CECR2: variants seen among roughly 807,000 people sequenced by gnomAD.
CECR2 encodes the protein CECR2 histone acetyl-lysine reader, also known as chromatin remodeling regulator CECR2.
A neutral mutation model predicts 154.5 loss-of-function variants in CECR2; 30 were observed. The observed-to-expected ratio is 0.19, with a 90% CI of 0.15 to 0.26. The LOEUF (loss-of-function observed/expected upper bound fraction) is 0.26. Among genes scored for constraint, CECR2 ranks in the 10% least tolerant of loss-of-function variants. The pLI is 1.00. For missense variants in CECR2, 1,743 were observed against 1,829.3 expected (o/e 0.95, Z 0.86); for synonymous variants, 725 against 683.7 (o/e 1.06, Z -0.94).
intron 16 of CECR2, among the ~76,000 whole-genome samples, chr22:17,545,091 T>G (rs149288714): frequency 6.6e-6 from 1 of 152,076 alleles, no homozygotes; most frequent in Admixed American, 6.6e-5. Flanking sequence ...AAATACCATT[T>G]AGGCCAGGCG....
intron 1 of CECR2, among the ~76,000 whole-genome samples, chr22:17,453,524 G>A (rs983058555): frequency 1.3e-5 from 2 of 152,158 alleles, no homozygotes; most frequent in African/African-American, 4.8e-5. Flanking sequence ...TTACCTTAGG[G>A]TTTATACCAT....
intron 1 of CECR2, among the ~76,000 whole-genome samples, chr22:17,457,383 T>C (rs887488165): frequency 5.3e-5 from 8 of 152,228 alleles, no homozygotes; most frequent in African/African-American, 1.9e-4. Flanking sequence ...TAATAGGGTC[T>C]TGGAATCTAG....
intron 1 of CECR2, among the ~76,000 whole-genome samples, chr22:17,408,757 A>C (rs550521344): frequency 6.6e-6 from 1 of 152,280 alleles, no homozygotes; most frequent in African/African-American, 2.4e-5. Flanking sequence ...TTTAGCACCT[A>C]CCTTGTATTA....
intron 8 of CECR2, among the ~76,000 whole-genome samples, chr22:17,515,638 A>C (rs1283800138): frequency 6.6e-6 from 1 of 152,088 alleles, no homozygotes; most frequent in East Asian, 1.9e-4. Context: ...ATTTTTAAGC[A>C]TACAATAAAA....
intron 1 of CECR2, among the ~76,000 whole-genome samples, chr22:17,390,506 A>G (rs921867290): frequency 6.6e-6 from 1 of 152,258 alleles, no homozygotes; most frequent in African/African-American, 2.4e-5. Context: ...TTCTTCTCCA[A>G]ATTAACCCGT....
intron 9 of CECR2, among the ~76,000 whole-genome samples, chr22:17,530,690 A>G (rs2056341146): frequency 1.3e-5 from 2 of 151,650 alleles, no homozygotes; most frequent in South Asian, 4.1e-4. Flanking sequence ...CAAAAAAGAA[A>G]AAAAAAAACA....
At chr22:17,414,115 G>GGCGT (rs2054112947) in intron 1 of CECR2, among the ~76,000 whole-genome samples, 1 of 151,452 alleles carries the variant, frequency 6.6e-6, no homozygotes, top group Non-Finnish European at 1.5e-5. Context: ...TGGGACTACA[G>GGCGT]GTGCCTGCCA....
At chr22:17,390,326 C>G (rs2063313174) in intron 1 of CECR2, among the ~76,000 whole-genome samples, 1 of 152,214 alleles carries the variant, frequency 6.6e-6, no homozygotes. Context: ...GGGCCGTGCC[C>G]TTGGTGCATA....
chr22:17,492,215 C>T (rs576639873), intron 2 of CECR2, among the ~76,000 whole-genome samples: 1 of 152,168 alleles, frequency 6.6e-6, no homozygotes, highest in Non-Finnish European at 1.5e-5. Context: ...CATCTTATCT[C>T]CATTCTGGGA....
rs58874516 is a variant in CECR2, at chr22:17,405,639, CAAAAAAAAAAAAAA to C, written c.126+35744_126+35757del. On this transcript the variant is annotated intron_variant, in intron 1 of 18. Transcript: ENST00000262608. ...TGGGCAAAAGAGTGAGACTCCATCT[CAAAAAAAAAAAAAA>C]AAAAAAAAAAAAATTTTCAATTGTT... is the stretch of plus-strand genomic sequence containing the variant. 9.7e-4 allele frequency among the ~76,000 whole-genome samples: 70 copies of C among 72,336 alleles called. 2 individuals are homozygous for C. Among genetic ancestry groups the C allele is most frequent in the African/African-American group, 3.0e-3 (66 of 22,292 alleles). The allele number at this position is 72,336 out of a possible 152,430, so 47.5% of individuals were successfully genotyped here. A position where few individuals can be genotyped will look rare whatever the true frequency, so the allele number is the denominator to read the frequency against.
chr22:17,378,213 A>G lies in CECR2; in HGVS notation c.126+8304A>G, dbSNP rs973699875. On this transcript the variant is annotated intron_variant, in intron 1 of 18. Coordinates refer to ENST00000262608, the MANE Select transcript of CECR2 (RefSeq NM_001290047.2). Reference sequence around the variant, plus strand: ...TTAGCCAGGATGGTCTGGATCTCCTAACCTTGTGATCCGCCCGCCTTGGCC... The same window carrying G: ...TTAGCCAGGATGGTCTGGATCTCCTGACCTTGTGATCCGCCCGCCTTGGCC... 1.9e-3 allele frequency among the ~76,000 whole-genome samples: 269 copies of G among 143,794 alleles called. 2 individuals carry two copies. Among genetic ancestry groups the G allele is most frequent in the East Asian group, 0.014 (66 of 4,780 alleles). The allele number at this position is 143,794 out of a possible 152,430, so 94.3% of individuals were successfully genotyped here. A position where few individuals can be genotyped will look rare whatever the true frequency, so the allele number is the denominator to read the frequency against.
At chr22:17,425,339 G>A (rs2054314163) in intron 1 of CECR2, among the ~76,000 whole-genome samples, 1 of 152,104 alleles carries the variant, frequency 6.6e-6, no homozygotes, top group African/African-American at 2.4e-5. Flanking sequence ...TGTGCTTAGA[G>A]CCGTCAAACT....
intron 1 of CECR2, among the ~76,000 whole-genome samples, chr22:17,375,212 C>A (rs893951798): frequency 1.3e-5 from 2 of 152,226 alleles, no homozygotes; most frequent in African/African-American, 4.8e-5. Flanking sequence ...CTCCTGGGTT[C>A]AAGCGATTCT....
At chr22:17,410,134 A>T (rs2054044366) in intron 1 of CECR2, among the ~76,000 whole-genome samples, 1 of 151,654 alleles carries the variant, frequency 6.6e-6, no homozygotes, top group Non-Finnish European at 1.5e-5. Context: ...GGCACGCACC[A>T]CCACACCCAG....
intron 18 of CECR2, 61 bp from the exon 19 acceptor site, chr22:17,552,774 G>GTTTTTTTTTTTTTTGTTTT: frequency 1.1e-6 from 1 of 933,468 alleles, no homozygotes; most frequent in South Asian, 1.6e-5. Flanking sequence ...GCTTACTTAA[G>GTTTTTTTTTTTTTTGTTTT]TTTTTTTTTT....
intron 1 of CECR2, among the ~76,000 whole-genome samples, chr22:17,461,457 A>G (rs5747176): frequency 0.11 from 17,106 of 152,152 alleles, 1,096 homozygotes; most frequent in South Asian, 0.24. Flanking sequence ...TATATTTCCC[A>G]CCCCATCTGT....
At position 17,369,800 on chromosome 22, in the gene CECR2, G is replaced by C. The variant is rs1372571971; in HGVS notation, c.17G>C (p.Gly6Ala). The C allele has an allele frequency of 6.6e-6, 1 of 151,030 alleles. No homozygotes were observed. The allele number at this position is 151,030 out of a possible 1,614,324, so 9.4% of individuals were successfully genotyped here. Residue 6 changes from glycine (G) to alanine (A), a missense_variant, in exon 1 of 19, where the codon GGC (glycine) becomes GCC (alanine). Physicochemically the swap from Gly to Ala is moderately conservative, Grantham distance 60 (BLOSUM62 0). Coordinates refer to ENST00000262608, the MANE Select transcript of CECR2 (RefSeq NM_001290047.2). ...AGCGGGGAGATGTGCCCAGAGGAGG[G>C]CGGCGCGGCCGGGCTGGGCGAGCTC... MCPEE[G>A]GAAGLGELRS... is the part of the protein sequence containing the mutation.
chr22:17,466,960 TG>T (rs1390482104), intron 1 of CECR2, among the ~76,000 whole-genome samples: 2 of 152,202 alleles, frequency 1.3e-5, no homozygotes, highest in African/African-American at 4.8e-5. Flanking sequence ...TGCTTTTGCA[TG>T]GCTATGCTGC....
intron 3 of CECR2, among the ~76,000 whole-genome samples, chr22:17,498,110 G>T (rs1190114546): frequency 2.6e-5 from 4 of 152,214 alleles, no homozygotes; most frequent in South Asian, 2.1e-4. Flanking sequence ...CCTAGAGGGG[G>T]CCGGGTGCTG....
Sources: gnomAD v4.1 joint callset for allele counts (sites outside exome capture counted in the v4.1 genomes callset) on GRCh38, gnomAD v4.1.1 for gene constraint, MANE v1.5 for transcripts, NCBI Gene and HGNC (gene_info 2026-07-23, HGNC 2026-07-21) for gene names.